Variants in FRMD4A observed in about 807,000 individuals in gnomAD.
The protein encoded by FRMD4A is FERM domain-containing protein 4A.
Under a neutral mutation model 129.1 loss-of-function variants are expected in FRMD4A, and 29 were observed. The observed-to-expected ratio is 0.22, with a 90% CI of 0.17 to 0.31. The LOEUF is 0.31. Ranked by LOEUF, FRMD4A falls within the 10% of genes least tolerant of loss-of-function variation. The pLI, the probability that FRMD4A is intolerant of heterozygous loss-of-function variation, is 1.00. For synonymous variants in FRMD4A, 634 were observed against 571.6 expected, an observed-to-expected ratio of 1.11 and a Z score of -1.56; for missense variants, 1,272 against 1,375.8, an observed-to-expected ratio of 0.92 and a Z score of 1.19.
chr10:14,051,324 G>T (rs182226648), intron 2 of FRMD4A, among the ~76,000 whole-genome samples: 2 of 152,102 alleles, frequency 1.3e-5, no homozygotes, highest in African/African-American at 2.4e-5. Flanking sequence ...TATTCCAACC[G>T]TATCTCTAAT....
At chr10:13,941,365 G>A (rs2095291021) in intron 2 of FRMD4A, among the ~76,000 whole-genome samples, 1 of 152,156 alleles carries the variant, frequency 6.6e-6, no homozygotes, top group East Asian at 1.9e-4. Context: ...CAGCCACATG[G>A]AACTATGATC....
chr10:14,313,262 C>T (rs1286262941), intron 2 of FRMD4A, among the ~76,000 whole-genome samples: 1 of 151,880 alleles, frequency 6.6e-6, no homozygotes. Flanking sequence ...ACTCGGGAGG[C>T]TGAGGTGGGA....
chr10:13,687,304 AAATG>A (rs1478182166), intron 15 of FRMD4A, among the ~76,000 whole-genome samples: 2 of 152,140 alleles, frequency 1.3e-5, no homozygotes, highest in South Asian at 2.1e-4. Flanking sequence ...TCAAAAAACA[AAATG>A]AATGAATGAA....
chr10:13,681,102 C>T (rs965270253), intron 15 of FRMD4A, among the ~76,000 whole-genome samples: 9 of 152,206 alleles, frequency 5.9e-5, no homozygotes, highest in African/African-American at 1.9e-4. Flanking sequence ...ATAGTTCCCT[C>T]GTGCCTCTAG....
intron 12 of FRMD4A, among the ~76,000 whole-genome samples, chr10:13,730,384 T>C (rs2090238941): frequency 6.6e-6 from 1 of 152,196 alleles, no homozygotes; most frequent in Admixed American, 6.5e-5. Context: ...AACTCTTGCT[T>C]GTACCAGCAC....
At chr10:14,055,420 T>A (rs969561947) in intron 2 of FRMD4A, among the ~76,000 whole-genome samples, 1 of 149,852 alleles carries the variant, frequency 6.7e-6, no homozygotes, top group African/African-American at 2.5e-5. Flanking sequence ...CTGCACTCTA[T>A]CCCTATGCTG....
intron 2 of FRMD4A, among the ~76,000 whole-genome samples, chr10:13,985,650 C>G (rs1360278751): frequency 6.6e-6 from 1 of 152,320 alleles, no homozygotes; most frequent in Non-Finnish European, 1.5e-5. Flanking sequence ...CTGGCAGGCA[C>G]CAGTCTCCAC....
At chr10:14,076,820 C>G (rs1835637917) in intron 2 of FRMD4A, among the ~76,000 whole-genome samples, 1 of 152,164 alleles carries the variant, frequency 6.6e-6, no homozygotes, top group South Asian at 2.1e-4. Context: ...ATTCCCTGGC[C>G]ATTGAAATCA....
At chr10:14,138,273 A>G (rs560290553) in intron 2 of FRMD4A, among the ~76,000 whole-genome samples, 13 of 152,210 alleles carry the variant, frequency 8.5e-5, no homozygotes, top group African/African-American at 3.1e-4. Context: ...GACTCACAAT[A>G]TGGCAGGCAG....
intron 3 of FRMD4A, among the ~76,000 whole-genome samples, chr10:13,833,253 A>G (rs909915762): frequency 6.6e-6 from 1 of 152,178 alleles, no homozygotes; most frequent in Non-Finnish European, 1.5e-5. Context: ...CCTCACAATC[A>G]TGGTGGAAGA....
intron 6 of FRMD4A, among the ~76,000 whole-genome samples, chr10:13,765,119 T>TG (rs1564763319): frequency 2.7e-5 from 4 of 148,070 alleles, no homozygotes; most frequent in South Asian, 4.4e-4. Flanking sequence ...TTTTTGTTTT[T>TG]TTTTTTTTTT....
chr10:13,867,507 C>T (rs1425465854), intron 2 of FRMD4A, among the ~76,000 whole-genome samples: 1 of 148,910 alleles, frequency 6.7e-6, no homozygotes, highest in Non-Finnish European at 1.5e-5. Context: ...GTGATCTTCC[C>T]ACCACAGCCT....
intron 5 of FRMD4A, among the ~76,000 whole-genome samples, chr10:13,785,012 A>G (rs2092820832): frequency 1.4e-5 from 2 of 144,970 alleles, no homozygotes; most frequent in African/African-American, 5.2e-5. Flanking sequence ...AAAAAAAAGT[A>G]TCTTTTACCA....
At chr10:14,063,357 G>T (rs1325430050) in intron 2 of FRMD4A, among the ~76,000 whole-genome samples, 1 of 151,888 alleles carries the variant, frequency 6.6e-6, no homozygotes, top group Non-Finnish European at 1.5e-5. Context: ...CCCTGATTTG[G>T]CTCATCGAAA....
chr10:14,116,644 G>A (rs1189899946), intron 2 of FRMD4A, among the ~76,000 whole-genome samples: 1 of 152,168 alleles, frequency 6.6e-6, no homozygotes, highest in Non-Finnish European at 1.5e-5. Context: ...ACCACGGAGA[G>A]ACCCCATTTA....
intron 12 of FRMD4A, chr10:13,710,785 G>A (rs2087940006): frequency 6.6e-6 from 1 of 152,438 alleles, no homozygotes; most frequent in South Asian, 2.1e-4. Flanking sequence ...GGCTGAGGTG[G>A]GCAGATCACT....
intron 6 of FRMD4A, among the ~76,000 whole-genome samples, chr10:13,764,058 C>T (rs1229990227): frequency 6.6e-6 from 1 of 152,098 alleles, no homozygotes; most frequent in Non-Finnish European, 1.5e-5. Flanking sequence ...TGAAGTATAA[C>T]TAAAACACCT....
intron 8 of FRMD4A, among the ~76,000 whole-genome samples, chr10:13,749,156 C>G (rs2091442080): frequency 6.6e-6 from 1 of 152,178 alleles, no homozygotes; most frequent in Admixed American, 6.5e-5. Context: ...TTTCCCTATC[C>G]TGGTCCACCA....
At chr10:13,748,908 G>A (rs1452478161) in intron 8 of FRMD4A, among the ~76,000 whole-genome samples, 2 of 152,182 alleles carry the variant, frequency 1.3e-5, no homozygotes, top group Admixed American at 6.5e-5. Flanking sequence ...GCAGTTTTAT[G>A]CATCCGGTCC....
Sources: gnomAD v4.1 joint callset for allele counts (sites outside exome capture counted in the v4.1 genomes callset) on GRCh38, gnomAD v4.1.1 for gene constraint, MANE v1.5 for transcripts, NCBI Gene and HGNC (gene_info 2026-07-23, HGNC 2026-07-21) for gene names.